MAPK8: variants seen among roughly 807,000 people sequenced by gnomAD.
The protein encoded by MAPK8 is mitogen-activated protein kinase 8, also known as JUN N-terminal kinase.
Under a neutral mutation model 52.9 loss-of-function variants are expected in MAPK8, and 13 were observed. That is an observed-to-expected ratio of 0.25 (90% confidence interval 0.16 to 0.39). The LOEUF (loss-of-function observed/expected upper bound fraction) is 0.39, where lower values mean the gene tolerates loss of function less well. Ranked by LOEUF, MAPK8 falls within the 10% of genes least tolerant of loss-of-function variation. The probability of loss-of-function intolerance (pLI) is 1.00; values close to 1 mark genes in which losing one functional copy is unlikely to be tolerated. For missense variants in MAPK8, 300 were observed against 519.2 expected, an observed-to-expected ratio of 0.58 and a Z score of 4.10; for synonymous variants, 191 against 169.8, an observed-to-expected ratio of 1.12 and a Z score of -0.97.
chr10:48,392,281 G>A (rs2041666865), intron 1 of MAPK8, among the ~76,000 whole-genome samples: 1 of 152,132 alleles, frequency 6.6e-6, no homozygotes. Context: ...CCTTGAGCTG[G>A]TGAAAGGAGG....
chr10:48,417,628 G>T (rs2043134736), intron 5 of MAPK8, among the ~76,000 whole-genome samples: 1 of 152,150 alleles, frequency 6.6e-6, no homozygotes, highest in African/African-American at 2.4e-5. Context: ...ATGGTGAAAG[G>T]TAGAAGAGCA....
intron 1 of MAPK8, among the ~76,000 whole-genome samples, chr10:48,362,502 G>A (rs185167345): frequency 3.7e-5 from 5 of 134,684 alleles, no homozygotes; most frequent in Admixed American, 2.7e-4. Context: ...AATTAATGGG[G>A]AACAAATACA....
At chr10:48,313,541 CT>C (rs139775061) in intron 1 of MAPK8, among the ~76,000 whole-genome samples, 25,736 of 152,190 alleles carry the variant, frequency 0.17, 3,166 homozygotes, top group African/African-American at 0.32. Flanking sequence ...AAATCTTATG[CT>C]ACGTCTCGTC....
chr10:48,435,815 A>T lies in MAPK8; in HGVS notation c.*786A>T, dbSNP rs529122143. On this transcript the variant is annotated 3_prime_UTR_variant, in exon 12 of 12. Coordinates refer to ENST00000374189, the MANE Select transcript of MAPK8 (RefSeq NM_001323329.2). ...GCATGCTCAAAGTTTATGATCACAT[A>T]AAGGCAAGAGGATACTTCATGAATA... 3 of 152,264 alleles carry T rather than the reference A, an allele frequency of 2.0e-5. No homozygotes were observed. The highest frequency in any genetic ancestry group is 4.4e-5 in the Non-Finnish European group (3 of 68,052). The allele number at this position is 152,264 out of a possible 1,614,324, so 9.4% of individuals were successfully genotyped here. A position where few individuals can be genotyped will look rare whatever the true frequency, so the allele number is the denominator to read the frequency against.
chr10:48,322,485 C>T (rs556057031), intron 1 of MAPK8, among the ~76,000 whole-genome samples: 1 of 152,084 alleles, frequency 6.6e-6, no homozygotes, highest in Non-Finnish European at 1.5e-5. Flanking sequence ...CTAGCAATCC[C>T]GAATCATCTT....
intron 1 of MAPK8, among the ~76,000 whole-genome samples, chr10:48,367,704 T>G (rs1848179384): frequency 6.6e-6 from 1 of 152,210 alleles, no homozygotes; most frequent in Admixed American, 6.5e-5. Context: ...AGTTTACAGT[T>G]AGATATATAG....
chr10:48,364,779 C>T (rs1847882157), intron 1 of MAPK8, among the ~76,000 whole-genome samples: 1 of 152,128 alleles, frequency 6.6e-6, no homozygotes, highest in Non-Finnish European at 1.5e-5. Flanking sequence ...TGGATACTTT[C>T]ATATCCTAAA....
chr10:48,338,056 A>G lies in MAPK8; in HGVS notation c.-50+31235A>G, dbSNP rs539507956. Among the ~76,000 whole-genome samples, 88 of 152,244 alleles carry G rather than the reference A, an allele frequency of 5.8e-4. No homozygotes were observed. In the South Asian group the frequency reaches 0.017, roughly 29 times the overall value. ...ATACCAATCTTACTGAAACTATTCCAAAAAAATCAAGGTGGAGAGATATCC... is the reference window on the plus strand; with the variant it reads ...ATACCAATCTTACTGAAACTATTCCGAAAAAATCAAGGTGGAGAGATATCC... On this transcript the variant is annotated intron_variant, in intron 1 of 11. Coordinates refer to ENST00000374189, the MANE Select transcript of MAPK8 (RefSeq NM_001323329.2).
chr10:48,342,988 A>T (rs1845449172), intron 1 of MAPK8, among the ~76,000 whole-genome samples: 2 of 152,198 alleles, frequency 1.3e-5, no homozygotes, highest in Non-Finnish European at 2.9e-5. Context: ...CCCCTATTGA[A>T]TATCCAGGTA....
chr10:48,426,287 ATATGCTTTTT>A, intron 8 of MAPK8, 83 bp from the exon 9 acceptor site: 1 of 1,133,584 alleles, frequency 8.8e-7, no homozygotes, highest in African/African-American at 1.6e-5. Context: ...TTTTTAAAAC[ATATGCTTTTT>A]AAAAAATCTC....
chr10:48,426,611 G>A lies in MAPK8; in HGVS notation c.996+107G>A, dbSNP rs7091182. 9.2e-4 allele frequency: 932 copies of A among 1,009,270 alleles called. 6 individuals are homozygous for A. The African/African-American group carries it at 0.014, about 15-fold the overall frequency. 62.5% of individuals were successfully genotyped at this position (1,009,270 alleles called of 1,614,324 possible). The stretch of plus-strand genomic sequence containing the variant: ...ATTTTAAATAAAAATGTAGATACAT[G>A]ATGATGATGTTTTTCTGTTTCTTCA... On this transcript the variant is annotated intron_variant, in intron 9 of 11. Coordinates refer to ENST00000374189, the MANE Select transcript of MAPK8 (RefSeq NM_001323329.2).
chr10:48,317,175 A>C (rs1842581559), intron 1 of MAPK8, among the ~76,000 whole-genome samples: 1 of 151,992 alleles, frequency 6.6e-6, no homozygotes, highest in South Asian at 2.1e-4. Flanking sequence ...AAAAACAATG[A>C]ATGATTTTTC....
intron 1 of MAPK8, chr10:48,307,088 C>CTCGCGTCCTCT (rs1485342978): frequency 6.6e-6 from 1 of 152,554 alleles, no homozygotes; most frequent in Non-Finnish European, 1.5e-5. Context: ...CGCCTGTCCT[C>CTCGCGTCCTCT]TCGCGTCCTC....
intron 3 of MAPK8, among the ~76,000 whole-genome samples, chr10:48,406,914 T>G (rs1008702941): frequency 6.6e-6 from 1 of 152,258 alleles, no homozygotes; most frequent in African/African-American, 2.4e-5. Flanking sequence ...CTCTTAACTG[T>G]AGACATTAAA....
chr10:48,316,373 G>T (rs1283698291), intron 1 of MAPK8, among the ~76,000 whole-genome samples: 1 of 152,178 alleles, frequency 6.6e-6, no homozygotes, highest in Non-Finnish European at 1.5e-5. Flanking sequence ...TACTATCTAG[G>T]TTGGTGTAAG....
chr10:48,421,951 G>A lies in MAPK8; in HGVS notation c.616+1631G>A, dbSNP rs182165276. Among the ~76,000 whole-genome samples the A allele has an allele frequency of 2.4e-3, 368 of 151,922 alleles. 1 individual carries two copies. Among genetic ancestry groups the A allele is most frequent in the African/African-American group, 8.4e-3 (347 of 41,426 alleles). On this transcript the variant is annotated intron_variant, in intron 6 of 11. Transcript: ENST00000374189. The stretch of plus-strand genomic sequence containing the variant: ...TGATTATAACTACATTAGCCAGCAA[G>A]GTTAAACATAAGTACTTCCTCCTTT...
chr10:48,417,830 G>T (rs1198021633), intron 5 of MAPK8, among the ~76,000 whole-genome samples: 2 of 152,112 alleles, frequency 1.3e-5, no homozygotes, highest in Non-Finnish European at 2.9e-5. Context: ...GAAATTCTAG[G>T]CTCTGTTCCC....
intron 6 of MAPK8, among the ~76,000 whole-genome samples, chr10:48,422,892 T>C (rs1007005889): frequency 6.6e-6 from 1 of 152,230 alleles, no homozygotes; most frequent in African/African-American, 2.4e-5. Context: ...AAGAATGTAC[T>C]GTATTAGAAA....
At chr10:48,333,286 C>T (rs1282028804) in intron 1 of MAPK8, among the ~76,000 whole-genome samples, 2 of 152,190 alleles carry the variant, frequency 1.3e-5, no homozygotes, top group Non-Finnish European at 2.9e-5. Flanking sequence ...CATCTTCCAG[C>T]TCTTTGATTT....
Sources: gnomAD v4.1 joint callset for allele counts (sites outside exome capture counted in the v4.1 genomes callset) on GRCh38, gnomAD v4.1.1 for gene constraint, MANE v1.5 for transcripts, NCBI Gene and HGNC (gene_info 2026-07-23, HGNC 2026-07-21) for gene names.